The following DMPK variants were observed in gnomAD, a reference collection of about 807,000 sequenced individuals.
The protein encoded by DMPK is DM1 protein kinase.
A neutral mutation model predicts 70.3 loss-of-function variants in DMPK; 32 were observed. The observed-to-expected ratio is 0.46, with a 90% CI of 0.34 to 0.61. The LOEUF (loss-of-function observed/expected upper bound fraction) is 0.61, where lower values mean the gene tolerates loss of function less well. Ranked by LOEUF, DMPK falls within the 20% of genes least tolerant of loss-of-function variation. The probability of loss-of-function intolerance (pLI) is 0.01; values close to 1 mark genes in which losing one functional copy is unlikely to be tolerated. For synonymous variants in DMPK, 469 were observed against 390.9 expected (o/e 1.20, Z -2.36); for missense variants, 899 against 886.0 (o/e 1.01, Z -0.19).
chr19:45,771,248 ACG>A (rs1969414247), intron 13 of DMPK, 100 bp downstream of exon 13: 10 of 1,465,100 alleles, frequency 6.8e-6, no homozygotes, highest in Non-Finnish European at 9.2e-6. Flanking sequence ...AGTCGCAAAG[ACG>A]TAGGGTGAGC....
rs1339888652 is a variant in DMPK at position 45,782,218 on chromosome 19, C to T, written c.135G>A (p.Lys45=). 6.3e-7 allele frequency: 1 copy of T among 1,596,624 alleles called. No homozygotes were observed. The highest frequency in any genetic ancestry group is 8.5e-7 in the Non-Finnish European group (1 of 1,171,672). ...CCCACTGCAAGAAGTCGGCCACGTA[C>T]TTGTCCTGGGCCAGTTCGGAGGCGC... ...ELGASELAQD[K]YVADFLQWAE... Residue 45 remains lysine, a synonymous_variant, in exon 1 of 15, where the codon AAG becomes AAA. Transcript: ENST00000291270.
chr19:45,770,000 A>G lies in DMPK; in HGVS notation c.*488T>C, dbSNP rs899157937. 7 of 321,594 alleles carry G rather than the reference A, an allele frequency of 2.2e-5. No homozygotes were observed. 19.9% of individuals were successfully genotyped at this position (321,594 alleles called of 1,614,324 possible). ...TTTGGCAAAAGCAAATTTCCCGAGT[A>G]AGCAGGCAGAGATCGCGCCAGACGC... On this transcript the variant is annotated 3_prime_UTR_variant, in exon 15 of 15. Coordinates refer to ENST00000291270, the MANE Select transcript of DMPK (RefSeq NM_004409.5).
intron 4 of DMPK, 41 bp downstream of exon 4, chr19:45,779,223 G>T: frequency 6.3e-7 from 1 of 1,588,310 alleles, no homozygotes; most frequent in Non-Finnish European, 8.6e-7. Flanking sequence ...GACAGCACGG[G>T]CTCTTGTCCC....
chr19:45,771,453 G>A (rs1969437303), intron 12 of DMPK, 57 bp from the exon 13 acceptor site: 1 of 1,609,998 alleles, frequency 6.2e-7, no homozygotes, highest in Admixed American at 1.7e-5. Context: ...GGGCGGTGGC[G>A]CGGCGTGCCC....
intron 9 of DMPK, among the ~76,000 whole-genome samples, chr19:45,774,237 C>A (rs1969646871): frequency 6.6e-6 from 1 of 151,606 alleles, no homozygotes; most frequent in East Asian, 1.9e-4. Context: ...CAGGCGTGAG[C>A]CACCACACCC....
chr19:45,779,934 A>C, intron 1 of DMPK, 65 bp from the exon 2 acceptor site: 1 of 1,611,418 alleles, frequency 6.2e-7, no homozygotes, highest in Non-Finnish European at 8.5e-7. Context: ...CAAGGGGGAA[A>C]GCCCCACCCT....
Position 45,770,019 on chromosome 19 carries a change from C to T in DMPK, c.*469G>A, listed in dbSNP as rs1969239080. ...CCGAGTAAGCAGGCAGAGATCGCGC[C>T]AGACGCTCCCCAGAGCAGGGCGTCA... is the stretch of plus-strand genomic sequence containing the variant. On this transcript the variant is annotated 3_prime_UTR_variant, in exon 15 of 15. Coordinates refer to ENST00000291270, the MANE Select transcript of DMPK (RefSeq NM_004409.5). The T allele has an allele frequency of 8.0e-6, 3 of 377,334 alleles. No homozygotes were observed. In the South Asian group the frequency reaches 8.1e-5, roughly 10 times the overall value. 23.4% of individuals were successfully genotyped at this position (377,334 alleles called of 1,614,324 possible).
At chr19:45,778,885 C>T (rs771089695) in intron 4 of DMPK, 1 of 570,444 alleles carries the variant, frequency 1.8e-6, no homozygotes, top group Non-Finnish European at 3.1e-6. Context: ...GATTCACTCC[C>T]CCTGAGATGT....
chr19:45,778,205 G>A lies in DMPK; in HGVS notation c.597C>T (p.Asp199=), dbSNP rs1568582841. The A allele has an allele frequency of 1.9e-6, 3 of 1,613,606 alleles. No homozygotes were observed. The highest frequency in any genetic ancestry group is 2.7e-5 in the African/African-American group (2 of 74,920). The part of the protein sequence containing the change: ...LGYVHRDIKP[D]NILLDRCGHI... ...GGCCACAGCGGTCCAGCAGGATGTT[G>A]TCGGGTTTGATGTCCCTGCACGGAG... The change falls in exon 6 of 15, where the codon GAC becomes GAT. Residue 199 remains aspartate, a synonymous_variant. Transcript: ENST00000291270.
intron 9 of DMPK, 66 bp downstream of exon 9, chr19:45,774,883 A>C (rs1969688501): frequency 2.3e-6 from 3 of 1,277,860 alleles, no homozygotes; most frequent in Middle Eastern, 2.0e-4. Flanking sequence ...TTGGCTGCCA[A>C]GGAGCAGGAC....
In DMPK at chr19:45,770,164, C is replaced by T. The variant is rs577235723; in HGVS notation, c.*324G>A. The T allele has an allele frequency of 3.4e-5, 22 of 652,744 alleles. No individual in the cohort carries two copies. The African/African-American group carries it at 4.5e-4, about 13-fold the overall frequency. 40.4% of individuals were successfully genotyped at this position (652,744 alleles called of 1,614,324 possible). A position where few individuals can be genotyped will look rare whatever the true frequency, so the allele number is the denominator to read the frequency against. On this transcript the variant is annotated 3_prime_UTR_variant, in exon 15 of 15. Transcript: ENST00000291270. ...TGCAGTTTGCCCATCCACGTCAGGG[C>T]CTCAGCCTGGCCGAAAGAAAGAAAT...
In DMPK at chr19:45,779,249, C is replaced by T. The variant is rs369599562; in HGVS notation, c.432+15G>A. On this transcript the variant is annotated intron_variant, in intron 4 of 14. Transcript: ENST00000291270. Reference sequence around the variant, plus strand: ...CTCTTGTCCCTCTTCCTAGTCACCCCGGCCCGGAGCTCACCAGGTAGTTCT... The same window carrying T: ...CTCTTGTCCCTCTTCCTAGTCACCCTGGCCCGGAGCTCACCAGGTAGTTCT... 50 of 1,612,848 alleles carry T rather than the reference C, an allele frequency of 3.1e-5. No individual in the cohort carries two copies. Among genetic ancestry groups the T allele is most frequent in the African/African-American group, 9.3e-5 (7 of 74,906 alleles).
chr19:45,771,472 G>A lies in DMPK; in HGVS notation c.1601-76C>T, dbSNP rs1192483627. On this transcript the variant is annotated intron_variant, in intron 12 of 14. Transcript: ENST00000291270. Reference sequence around the variant, plus strand: ...GGTGGCGCGGCGTGCCCCAGCGTGGGTCCCTTCCCTCCTCCAGGTGTCTAT... The same window carrying A: ...GGTGGCGCGGCGTGCCCCAGCGTGGATCCCTTCCCTCCTCCAGGTGTCTAT... The A allele has an allele frequency of 3.1e-6, 5 of 1,609,716 alleles. No individual in the cohort carries two copies. In the East Asian group the frequency reaches 1.1e-4, roughly 36 times the overall value.
intron 9 of DMPK, among the ~76,000 whole-genome samples, chr19:45,774,356 G>A (rs572274820): frequency 2.5e-4 from 37 of 146,324 alleles, no homozygotes; most frequent in South Asian, 8.6e-4. Flanking sequence ...TCCGCCTCCC[G>A]GGTTCATGCC....
rs1969248585 is a variant in DMPK at position 45,770,126 on chromosome 19, G to A, written c.*362C>T. ...TGGAACACGGACGGCCCGGCTTGCT[G>A]CCTTCCCAGGCCTGCAGTTTGCCCA... On this transcript the variant is annotated 3_prime_UTR_variant, in exon 15 of 15. Coordinates refer to ENST00000291270, the MANE Select transcript of DMPK (RefSeq NM_004409.5). 14 of 649,004 alleles carry A rather than the reference G, an allele frequency of 2.2e-5. No individual in the cohort carries two copies. In the South Asian group the frequency reaches 2.3e-4, roughly 11 times the overall value. 40.2% of individuals were successfully genotyped at this position (649,004 alleles called of 1,614,324 possible). A position where few individuals can be genotyped will look rare whatever the true frequency, so the allele number is the denominator to read the frequency against.
At chr19:45,780,506 A>C (rs1970055468) in intron 1 of DMPK, 10 of 1,101,872 alleles carry the variant, frequency 9.1e-6, no homozygotes, top group Non-Finnish European at 1.1e-5. Flanking sequence ...CCTTATTTAC[A>C]GATGACAATC....
Position 45,770,160 on chromosome 19 carries a change from A to C in DMPK, c.*328T>G. ...GGCCTGCAGTTTGCCCATCCACGTC[A>C]GGGCCTCAGCCTGGCCGAAAGAAAG... On this transcript the variant is annotated 3_prime_UTR_variant, in exon 15 of 15. Transcript: ENST00000291270. The C allele has an allele frequency of 1.6e-6, 1 of 636,590 alleles. No individual in the cohort carries two copies. The allele number at this position is 636,590 out of a possible 1,614,324, so 39.4% of individuals were successfully genotyped here.
In DMPK at chr19:45,782,325, G is replaced by A. The variant is rs952758727; in HGVS notation, c.28C>T (p.Leu10Phe). 3.2e-6 allele frequency: 5 copies of A among 1,580,778 alleles called. No individual in the cohort carries two copies. Among genetic ancestry groups the A allele is most frequent in the Non-Finnish European group, 4.3e-6 (5 of 1,164,706 alleles). The change falls in exon 1 of 15, where the codon CTC becomes TTC. Residue 10 changes from leucine to phenylalanine, a missense_variant. Transcript: ENST00000291270. ...CCCGGGTCCAACACCAGCTGCTGGA[G>A]CCGCCTCAGCCGCACCTCGGCTGAC... MSAEVRLRRLQQLVLDPGFL... is the reference protein window; with the variant it reads MSAEVRLRRFQQLVLDPGFL...
In DMPK at chr19:45,770,995, G is replaced by A. The variant is rs1969385731; in HGVS notation, c.1713C>T (p.Arg571=). ...CCCTGGCAGGGAGCAGCAGGTGGCG[G>A]CGGTGCATGGGGCCTGGCCCCACCA... is the stretch of plus-strand genomic sequence containing the variant. ...CPLVGPGPMH[R]RHLLLPARVP... The change falls in exon 14 of 15, where the codon CGC becomes CGT. Residue 571 remains arginine (R), a synonymous_variant. Coordinates refer to ENST00000291270, the MANE Select transcript of DMPK (RefSeq NM_004409.5). 2 of 1,438,618 alleles carry A rather than the reference G, an allele frequency of 1.4e-6. No individual in the cohort carries two copies. The highest frequency in any genetic ancestry group is 6.0e-5 in the Admixed American group (2 of 33,588). 89.1% of individuals were successfully genotyped at this position (1,438,618 alleles called of 1,614,324 possible).
Sources: allele counts gnomAD v4.1 joint callset (sites outside exome capture counted in the v4.1 genomes callset), GRCh38; gene constraint gnomAD v4.1.1; transcripts MANE v1.5; gene names NCBI Gene and HGNC (gene_info 2026-07-23, HGNC 2026-07-21).